Variants in TRMT112 observed in about 807,000 individuals in gnomAD.
The protein encoded by TRMT112 is tRNA methyltransferase activator subunit 11-2.
Under a neutral mutation model 13.8 loss-of-function variants are expected in TRMT112, and 9 were observed. That is an observed-to-expected ratio of 0.65 (90% CI 0.39 to 1.14). The LOEUF is 1.14. Ranked by LOEUF, TRMT112 falls within the 50% of genes most tolerant of loss-of-function variation. The probability of loss-of-function intolerance (pLI) is 0.01; values close to 1 mark genes in which losing one functional copy is unlikely to be tolerated. For missense variants in TRMT112, 196 were observed against 165.5 expected (o/e 1.18, Z -1.01); for synonymous variants, 64 against 67.0 (o/e 0.96, Z 0.22).
chr11:64,316,994 A>C, intron 3 of TRMT112, 26 bp from the exon 4 acceptor site: 1 of 1,610,708 alleles, frequency 6.2e-7, no homozygotes, highest in Non-Finnish European at 8.5e-7. Context: ...GACAGAGCTG[A>C]GCACTGGCAG....
upstream of TRMT112, chr11:64,318,251 A>G (rs1403695945): frequency 6.2e-7 from 1 of 1,612,152 alleles, no homozygotes; most frequent in African/African-American, 1.3e-5. Context: ...TGAGACGCTC[A>G]GCGGGCTATA....
upstream of TRMT112, chr11:64,317,644 C>T (rs1488537192): frequency 9.9e-6 from 11 of 1,110,890 alleles, no homozygotes; most frequent in South Asian, 1.1e-4. Flanking sequence ...AAGTGGCGAA[C>T]TTGCTGGAAC....
In TRMT112 at chr11:64,317,231, C is replaced by T. The variant is rs755142622; in HGVS notation, c.180+33G>A. 7 of 1,608,186 alleles carry T rather than the reference C, an allele frequency of 4.4e-6. No individual in the cohort carries two copies. In the East Asian group the frequency reaches 8.9e-5, roughly 21 times the overall value. On this transcript the variant is annotated intron_variant, in intron 2 of 3. Coordinates refer to ENST00000544844, the MANE Select transcript of TRMT112 (RefSeq NM_016404.3). ...TGAGGTGTGCCCGCCCCGCATTCCC[C>T]GGGATATGCTGGGGCGGGGTAAGGA...
rs145771523 is a variant in TRMT112, at chr11:64,317,127, C to G, written c.201G>C (p.Pro67=). 229 of 1,614,048 alleles carry G rather than the reference C, an allele frequency of 1.4e-4. No homozygotes were observed. The highest frequency in any genetic ancestry group is 1.6e-4 in the Non-Finnish European group (192 of 1,180,034). The change falls in exon 3 of 4, where the codon CCG becomes CCC. Residue 67 remains proline (P), a synonymous_variant. Coordinates refer to ENST00000544844, the MANE Select transcript of TRMT112 (RefSeq NM_016404.3). The part of the protein sequence containing the change: ...AADNLRLIQV[P]KGPVEGYEEN... The stretch of plus-strand genomic sequence containing the variant: ...CCTCATATCCCTCAACCGGCCCTTT[C>G]GGCACCTGGATCAGACGCAACTGTG...
upstream of TRMT112, chr11:64,317,835 C>G (rs942632712): frequency 3.3e-6 from 3 of 908,488 alleles, no homozygotes; most frequent in African/African-American, 5.1e-5. Flanking sequence ...TCGTTGAATG[C>G]AAAATAAACA....
upstream of TRMT112, chr11:64,318,270 G>C (rs374200354): frequency 2.5e-6 from 4 of 1,612,346 alleles, no homozygotes; most frequent in Non-Finnish European, 3.4e-6. Context: ...TATACTCGTC[G>C]GTGGGGCCGG....
At chr11:64,318,483 A>G (rs1219034209), upstream of TRMT112, 8 of 1,446,632 alleles carry the variant, frequency 5.5e-6, no homozygotes, top group Non-Finnish European at 6.5e-6. Context: ...CCTGCCTGCC[A>G]GACCCCTCCC....
At chr11:64,317,177 G>A (rs778961176) in intron 2 of TRMT112, 30 bp from the exon 3 acceptor site, 1 of 1,612,674 alleles carries the variant, frequency 6.2e-7, no homozygotes, top group Non-Finnish European at 8.5e-7. Context: ...ATTATCTCCG[G>A]GCATCCCGAA....
rs1236176902 is a variant in TRMT112, at chr11:64,316,608, G to A, written c.*253C>T. On this transcript the variant is annotated 3_prime_UTR_variant, in exon 4 of 4. Coordinates refer to ENST00000544844, the MANE Select transcript of TRMT112 (RefSeq NM_016404.3). ...TTTGGGTTTGGCCAGGGAGGCGCAG[G>A]GACATGGGGCAAGCCAGGGCCCAGA... 2.1e-6 allele frequency: 1 copy of A among 466,844 alleles called. No homozygotes were observed. Among genetic ancestry groups the A allele is most frequent in the African/African-American group, 2.0e-5 (1 of 50,728 alleles). The allele number at this position is 466,844 out of a possible 1,614,324, so 28.9% of individuals were successfully genotyped here.
chr11:64,316,986 C>T lies in TRMT112; in HGVS notation c.271-18G>A. ...ACTTCCACCTGCGGGCAGGGAGGGACAGAGCTGAGCACTGGCAGCCTCAGT... is the reference window on the plus strand; with the variant it reads ...ACTTCCACCTGCGGGCAGGGAGGGATAGAGCTGAGCACTGGCAGCCTCAGT... On this transcript the variant is annotated intron_variant, in intron 3 of 3. Coordinates refer to ENST00000544844, the MANE Select transcript of TRMT112 (RefSeq NM_016404.3). 1.2e-6 allele frequency: 2 copies of T among 1,612,598 alleles called. No individual in the cohort carries two copies. The highest frequency in any genetic ancestry group is 1.7e-6 in the Non-Finnish European group (2 of 1,178,602).
chr11:64,318,467 T>G, upstream of TRMT112: 1 of 1,489,394 alleles, frequency 6.7e-7, no homozygotes, highest in Non-Finnish European at 9.0e-7. Context: ...GAGTATCGCT[T>G]TATTTCCTGC....
chr11:64,318,412 A>G (rs1367600330), upstream of TRMT112: 4 of 1,586,810 alleles, frequency 2.5e-6, no homozygotes, highest in South Asian at 4.5e-5. Flanking sequence ...GCCGGGCCTG[A>G]CATCCCCCAC....
upstream of TRMT112, chr11:64,318,308 A>G (rs749654926): frequency 1.2e-6 from 2 of 1,612,708 alleles, no homozygotes; most frequent in South Asian, 2.2e-5. Flanking sequence ...CGGCAGCAAG[A>G]CGGTACAGTG....
upstream of TRMT112, chr11:64,318,428 C>T (rs1472855868): frequency 3.8e-6 from 6 of 1,565,428 alleles, no homozygotes; most frequent in Non-Finnish European, 5.2e-6. Context: ...CCCACTACCC[C>T]CATGGCAATC....
upstream of TRMT112, chr11:64,317,673 C>G: frequency 1.1e-6 from 1 of 945,800 alleles, no homozygotes; most frequent in Non-Finnish European, 1.6e-6. Flanking sequence ...TTTGTGGGAG[C>G]TGAGGTAGGT....
At position 64,317,400 on chromosome 11, in the gene TRMT112, C is replaced by T. The variant is rs759280010; in HGVS notation, c.79-35G>A. 20 of 1,613,918 alleles carry T rather than the reference C, an allele frequency of 1.2e-5. No individual in the cohort carries two copies. The Admixed American group carries it at 1.5e-4, about 12-fold the overall frequency. ...GGAGGAGTTTAGGCAAGCACTGGAC[C>T]CCGGCCCACCATCCCGCCCGAAAAG... On this transcript the variant is annotated intron_variant, in intron 1 of 3. Transcript: ENST00000544844.
rs749971965 is a variant in TRMT112, at chr11:64,316,887, G to A, written c.352C>T (p.Leu118=). ...CAACTCTCAGTTTCCTCTTCACTCA[G>A]CAGCATGTTGGGGATCCCGCGGCTG... ...PISRGIPNML[L]SEEETES Residue 118 remains leucine, a synonymous_variant, in exon 4 of 4, where the codon CTG becomes TTG. Transcript: ENST00000544844. 1.2e-6 allele frequency: 2 copies of A among 1,602,916 alleles called. No individual in the cohort carries two copies. Among genetic ancestry groups the A allele is most frequent in the Non-Finnish European group, 1.7e-6 (2 of 1,171,172 alleles).
chr11:64,318,498 G>A (rs1038258910), upstream of TRMT112: 3 of 1,367,750 alleles, frequency 2.2e-6, no homozygotes, highest in East Asian at 2.6e-5. Flanking sequence ...CCTCCCCTCC[G>A]CCCGCCCGGC....
chr11:64,318,138 C>G (rs1016607893), upstream of TRMT112: 2 of 1,580,358 alleles, frequency 1.3e-6, no homozygotes, highest in Non-Finnish European at 1.7e-6. Flanking sequence ...AGGGTGTCGC[C>G]GCTGTGCCGC....
Sources: allele counts gnomAD v4.1 joint callset, GRCh38; gene constraint gnomAD v4.1.1; transcripts MANE v1.5; gene names NCBI Gene and HGNC (gene_info 2026-07-23, HGNC 2026-07-21).